PWWP3A: variants seen among roughly 807,000 people sequenced by gnomAD.
PWWP3A encodes PWWP domain containing 3A, DNA repair factor.
In PWWP3A, 53 loss-of-function variants were observed where a neutral mutation model predicts 79.0. That is an observed-to-expected ratio of 0.67 (90% CI 0.54 to 0.84). The LOEUF (loss-of-function observed/expected upper bound fraction) is 0.84. Among genes scored for constraint, PWWP3A ranks in the 40% least tolerant of loss-of-function variants. The probability of loss-of-function intolerance (pLI) is 0.00; values close to 1 mark genes in which losing one functional copy is unlikely to be tolerated. For synonymous variants in PWWP3A, 443 were observed against 394.4 expected, an observed-to-expected ratio of 1.12 and a Z score of -1.46; for missense variants, 973 against 948.0, an observed-to-expected ratio of 1.03 and a Z score of -0.35.
At chr19:1,365,201 A>G (rs2082102801) in intron 7 of PWWP3A, among the ~76,000 whole-genome samples, 1 of 152,224 alleles carries the variant, frequency 6.6e-6, no homozygotes, top group African/African-American at 2.4e-5. Flanking sequence ...GAGCTCATTA[A>G]TTTGGATTTT....
chr19:1,376,462 C>T (rs2054839862), intron 13 of PWWP3A, 57 bp from the exon 14 acceptor site: 3 of 1,577,746 alleles, frequency 1.9e-6, no homozygotes, highest in Admixed American at 1.7e-5. Flanking sequence ...TCCTCTCTCT[C>T]ATATTCTTTA....
chr19:1,355,337 C>T (rs972882105), intron 1 of PWWP3A, among the ~76,000 whole-genome samples: 5 of 152,082 alleles, frequency 3.3e-5, no homozygotes, highest in Middle Eastern at 3.4e-3. Flanking sequence ...CTCCTTTTCC[C>T]GTCCCTGCCG....
At chr19:1,370,390 C>T (rs1052163316) in intron 11 of PWWP3A, among the ~76,000 whole-genome samples, 7 of 152,144 alleles carry the variant, frequency 4.6e-5, no homozygotes, top group East Asian at 3.8e-4. Flanking sequence ...CAGTGCTGCA[C>T]GGGCAGGCGC....
In PWWP3A at chr19:1,369,578, C is replaced by T. The variant is rs1468980474; in HGVS notation, c.1499-18C>T. 1.2e-6 allele frequency: 2 copies of T among 1,614,012 alleles called. No homozygotes were observed. Among genetic ancestry groups the T allele is most frequent in the African/African-American group, 1.3e-5 (1 of 74,914 alleles). ...CTCTTAGGTCTACACAGTGCTCTCT[C>T]CCCTCCACCCCCTGCAGGCTGCGGG... On this transcript the variant is annotated intron_variant, in intron 10 of 13. Transcript: ENST00000591337. This position sits in a 1 kb window ranked among gnomAD's most constrained non-coding sequence, Gnocchi z 4.0.
intron 8 of PWWP3A, 131 bp from the exon 9 acceptor site, chr19:1,367,029 C>T (rs1202101231): frequency 2.9e-6 from 2 of 678,998 alleles, no homozygotes; most frequent in East Asian, 2.7e-5. Flanking sequence ...GAAACGGTCA[C>T]CTTCCATAAA....
rs1452167149 is a variant in PWWP3A, at chr19:1,358,419, G to A, written c.169G>A (p.Glu57Lys). Residue 57 changes from glutamate (E) to lysine (K), a missense_variant, in exon 4 of 14, where the codon GAG becomes AAG. Glu to Lys is a moderately conservative substitution (Grantham distance 56, BLOSUM62 1). Transcript: ENST00000591337. ...EKIKVKSTEV[E>K]ILEKSQIEAI... ...AATTAAGGTGAAAAGCACTGAAGTT[G>A]AGATCCTAGAGAAGTCTCAAATTGA... 1 of 1,611,898 alleles carries A rather than the reference G, an allele frequency of 6.2e-7. No individual in the cohort carries two copies.
chr19:1,356,869 C>A, intron 2 of PWWP3A, 140 bp from the exon 3 acceptor site: 1 of 667,178 alleles, frequency 1.5e-6, no homozygotes, highest in Non-Finnish European at 2.6e-6. Flanking sequence ...ATCTGTGAAA[C>A]AATGGGGATT....
At chr19:1,363,792 G>C (rs940977943) in intron 6 of PWWP3A, among the ~76,000 whole-genome samples, 1 of 152,150 alleles carries the variant, frequency 6.6e-6, no homozygotes, top group Non-Finnish European at 1.5e-5. Context: ...TCACCCCAGT[G>C]GGCCTCCCTT....
At chr19:1,371,341 G>A (rs893511593) in intron 12 of PWWP3A, 1 of 705,086 alleles carries the variant, frequency 1.4e-6, no homozygotes, top group Admixed American at 2.0e-5. Context: ...ACCAGGGGGT[G>A]CGAACTCCCT....
intron 7 of PWWP3A, 131 bp downstream of exon 7, chr19:1,364,710 G>A: frequency 1.2e-6 from 1 of 833,486 alleles, no homozygotes; most frequent in South Asian, 2.0e-5. Context: ...CCTGGGAAAA[G>A]TTGGTGGGTT....
rs2082173630 is a variant in PWWP3A, at chr19:1,368,387, T to TG, written c.1423-877dup. 6.6e-6 allele frequency among the ~76,000 whole-genome samples: 1 copy of TG among 152,036 alleles called. No homozygotes were observed. The highest frequency in any genetic ancestry group is 2.4e-5 in the African/African-American group (1 of 41,410). On this transcript the variant is annotated intron_variant, in intron 9 of 13. Coordinates refer to ENST00000591337, the MANE Select transcript of PWWP3A (RefSeq NM_001369789.1). The surrounding 1 kb of genome is among the most constrained non-coding windows in gnomAD (Gnocchi z 4.7). The stretch of plus-strand genomic sequence containing the variant: ...TCCTAAGAGTGCGCTCACATCTGCT[T>TG]GTGAGTCAGGTATGTGGTGGTCCCG...
intron 6 of PWWP3A, 130 bp from the exon 7 acceptor site, chr19:1,364,379 G>C (rs540824569): frequency 5.7e-6 from 4 of 703,858 alleles, no homozygotes; most frequent in Non-Finnish European, 7.4e-6. Context: ...TCTTTTAAGC[G>C]AATGACACAA....
At chr19:1,374,449 C>A (rs1486995553) in intron 13 of PWWP3A, 1 of 152,254 alleles carries the variant, frequency 6.6e-6, no homozygotes, top group African/African-American at 2.4e-5. Context: ...CCCAGTCTCC[C>A]CGCCGCACGG....
At chr19:1,364,145 CT>C (rs749660902) in intron 6 of PWWP3A, 2 of 493,870 alleles carry the variant, frequency 4.0e-6, no homozygotes, top group South Asian at 1.4e-5. Flanking sequence ...GCCACACACT[CT>C]TTAAAAGTGT....
rs1304708719 is a variant in PWWP3A at position 1,357,114 on chromosome 19, T to C, written c.143+20T>C. 6.4e-7 allele frequency: 1 copy of C among 1,570,376 alleles called. No homozygotes were observed. Among genetic ancestry groups the C allele is most frequent in the Non-Finnish European group, 8.7e-7 (1 of 1,148,202 alleles). ...GGAAAAGTTAAGTGTTGTGTTGTTT[T>C]AATACTGTTTTTTCCCGTGTAGATT... On this transcript the variant is annotated intron_variant, in intron 3 of 13. Coordinates refer to ENST00000591337, the MANE Select transcript of PWWP3A (RefSeq NM_001369789.1).
Position 1,367,134 on chromosome 19 carries a change from T to A in PWWP3A, c.1362-26T>A, listed in dbSNP as rs761584189. On this transcript the variant is annotated intron_variant, in intron 8 of 13. Transcript: ENST00000591337. ...CTTATTAGAGGAAGTTCATTCATGT[T>A]AACTTTTCCCTCTCTCTGCTTCAAG... is the stretch of plus-strand genomic sequence containing the variant. The A allele has an allele frequency of 8.8e-6, 14 of 1,597,554 alleles. No individual in the cohort carries two copies. The South Asian group carries it at 1.6e-4, about 18-fold the overall frequency.
At position 1,369,400 on chromosome 19, in the gene PWWP3A, C is replaced by T; in HGVS notation, c.1498+60C>T. ...AGCAGGCGTCCAGCCTCTGAAGACC[C>T]CTTGGACGGGCTGGGCCGGAGCTGC... On this transcript the variant is annotated intron_variant, in intron 10 of 13. Transcript: ENST00000591337. This position sits in a 1 kb window ranked among gnomAD's most constrained non-coding sequence, Gnocchi z 4.0. 6.3e-7 allele frequency: 1 copy of T among 1,584,530 alleles called. No homozygotes were observed. Among genetic ancestry groups the T allele is most frequent in the Non-Finnish European group, 8.7e-7 (1 of 1,155,188 alleles).
chr19:1,361,206 A>C (rs1310951542), intron 5 of PWWP3A, among the ~76,000 whole-genome samples, 174 bp downstream of exon 5: 2 of 152,196 alleles, frequency 1.3e-5, no homozygotes, highest in Non-Finnish European at 2.9e-5. Context: ...CCACTGGGCT[A>C]TAATTGCTTC....
At chr19:1,355,412 C>T (rs1353166463) in intron 1 of PWWP3A, among the ~76,000 whole-genome samples, 3 of 145,146 alleles carry the variant, frequency 2.1e-5, no homozygotes, top group Admixed American at 6.8e-5. Flanking sequence ...CTATCTCCTT[C>T]CCTGGATCCC....
Sources: allele counts gnomAD v4.1 joint callset (sites outside exome capture counted in the v4.1 genomes callset), GRCh38; gene constraint gnomAD v4.1.1; non-coding constraint Gnocchi (gnomAD v3.1); transcripts MANE v1.5; gene names NCBI Gene and HGNC (gene_info 2026-07-23, HGNC 2026-07-21).